The following PRKCA variants were observed in gnomAD, a reference collection of about 807,000 sequenced individuals.
The protein encoded by PRKCA is protein kinase C alpha.
In PRKCA, 27 loss-of-function variants were observed where a neutral mutation model predicts 87.0. The ratio of observed to expected loss-of-function variants is 0.31; its 90% CI spans 0.23 to 0.43. PRKCA has a LOEUF of 0.43. Among genes scored for constraint, PRKCA ranks in the 20% least tolerant of loss-of-function variants. The pLI, the probability that PRKCA is intolerant of heterozygous loss-of-function variation, is 1.00. For synonymous variants in PRKCA, 329 were observed against 311.1 expected, an observed-to-expected ratio of 1.06 and a Z score of -0.61; for missense variants, 518 against 852.3, an observed-to-expected ratio of 0.61 and a Z score of 4.88.
chr17:66,317,562 G>A (rs755719492), intron 2 of PRKCA, among the ~76,000 whole-genome samples: 4 of 152,076 alleles, frequency 2.6e-5, no homozygotes, highest in Non-Finnish European at 5.9e-5. Flanking sequence ...CATTGCAGTC[G>A]TTTTTTTAGT....
rs554195292 is a variant in PRKCA at position 66,804,193 on chromosome 17, G to T, written c.*156G>T. 26 of 984,942 alleles carry T rather than the reference G, an allele frequency of 2.6e-5. No individual in the cohort carries two copies. The highest frequency in any genetic ancestry group is 9.0e-5 in the Admixed American group (3 of 33,248). The allele number at this position is 984,942 out of a possible 1,614,324, so 61.0% of individuals were successfully genotyped here. A position where few individuals can be genotyped will look rare whatever the true frequency, so the allele number is the denominator to read the frequency against. ...GTTATTAGTCCAAATGTGATCAACTGTTCAGGGTCTCTCTCTTACAACCAA... is the reference window on the plus strand; with the variant it reads ...GTTATTAGTCCAAATGTGATCAACTTTTCAGGGTCTCTCTCTTACAACCAA... On this transcript the variant is annotated 3_prime_UTR_variant, in exon 17 of 17. Transcript: ENST00000413366.
chr17:66,809,516 A>C lies in PRKCA; in HGVS notation c.*5479A>C, dbSNP rs1338638122. The C allele has an allele frequency of 6.6e-6, 1 of 152,284 alleles. No individual in the cohort carries two copies. Among genetic ancestry groups the C allele is most frequent in the African/African-American group, 2.4e-5 (1 of 41,464 alleles). The allele number at this position is 152,284 out of a possible 1,614,324, so 9.4% of individuals were successfully genotyped here. On this transcript the variant is annotated 3_prime_UTR_variant, in exon 17 of 17. Coordinates refer to ENST00000413366, the MANE Select transcript of PRKCA (RefSeq NM_002737.3). Reference sequence around the variant, plus strand: ...AATAATTCTTTAAAAATGAGTTTTTAGAACAAAGCAACTGACGATTTCCTA... The same window carrying C: ...AATAATTCTTTAAAAATGAGTTTTTCGAACAAAGCAACTGACGATTTCCTA...
chr17:66,305,059 T>C (rs560866052), intron 1 of PRKCA, among the ~76,000 whole-genome samples: 3 of 152,100 alleles, frequency 2.0e-5, no homozygotes, highest in Non-Finnish European at 4.4e-5. Context: ...ACCACCAGTA[T>C]TGTGAAGTGG....
chr17:66,503,866 T>C (rs975880410), intron 3 of PRKCA, among the ~76,000 whole-genome samples: 1 of 152,236 alleles, frequency 6.6e-6, no homozygotes, highest in Non-Finnish European at 1.5e-5. Context: ...CTTTTAAACA[T>C]TGAATTTAGA....
At chr17:66,686,656 A>G (rs1276425509) in intron 5 of PRKCA, among the ~76,000 whole-genome samples, 1 of 152,114 alleles carries the variant, frequency 6.6e-6, no homozygotes, top group Non-Finnish European at 1.5e-5. Flanking sequence ...ACAAAAAGGG[A>G]TAACACCTTC....
chr17:66,473,636 T>C (rs958522158), intron 2 of PRKCA, among the ~76,000 whole-genome samples: 2 of 152,162 alleles, frequency 1.3e-5, no homozygotes, highest in African/African-American at 2.4e-5. Context: ...GTATAGTGTC[T>C]AGCAGCTAGT....
intron 2 of PRKCA, among the ~76,000 whole-genome samples, chr17:66,493,043 T>G (rs1251217225): frequency 2.0e-5 from 3 of 152,234 alleles, no homozygotes; most frequent in Non-Finnish European, 4.4e-5. Flanking sequence ...TGTGGATGGT[T>G]CCTGTTTGGT....
In PRKCA at chr17:66,804,044, C is replaced by A. The variant is rs767442239; in HGVS notation, c.*7C>A. ...CTTACAGAGTGCAGTATGAAACTCACCAGCGAGAACAAACACCTCCCCAGC... is the reference window on the plus strand; with the variant it reads ...CTTACAGAGTGCAGTATGAAACTCAACAGCGAGAACAAACACCTCCCCAGC... On this transcript the variant is annotated 3_prime_UTR_variant, in exon 17 of 17. Coordinates refer to ENST00000413366, the MANE Select transcript of PRKCA (RefSeq NM_002737.3). 6.3e-7 allele frequency: 1 copy of A among 1,595,454 alleles called. No individual in the cohort carries two copies.
intron 2 of PRKCA, among the ~76,000 whole-genome samples, chr17:66,352,281 C>T (rs1406919768): frequency 1.3e-5 from 2 of 152,082 alleles, no homozygotes; most frequent in Non-Finnish European, 2.9e-5. Flanking sequence ...TTCTGCTCTG[C>T]CTTTTGAGGG....
At chr17:66,424,568 AACACACACACACAC>A (rs141074503) in intron 2 of PRKCA, among the ~76,000 whole-genome samples, 1 of 141,950 alleles carries the variant, frequency 7.0e-6, no homozygotes, top group African/African-American at 2.7e-5. Flanking sequence ...CCCTGTCTCA[AACACACACACACAC>A]ACACACACAC....
In PRKCA at chr17:66,730,401, G is replaced by A. The variant is rs144308643; in HGVS notation, c.919-2287G>A. 4.4e-3 allele frequency among the ~76,000 whole-genome samples: 666 copies of A among 152,334 alleles called. 13 individuals are homozygous for A. Among genetic ancestry groups the A allele is most frequent in the Admixed American group, 0.041 (629 of 15,298 alleles). The stretch of plus-strand genomic sequence containing the variant: ...GGAATAAGAGGGTGGCTACTCCATA[G>A]GCAGAGCAGCCCTGCAGGCTGCTGA... On this transcript the variant is annotated intron_variant, in intron 8 of 16. Coordinates refer to ENST00000413366, the MANE Select transcript of PRKCA (RefSeq NM_002737.3).
intron 3 of PRKCA, among the ~76,000 whole-genome samples, chr17:66,561,260 C>G (rs1968671366): frequency 6.6e-6 from 1 of 152,138 alleles, no homozygotes; most frequent in African/African-American, 2.4e-5. Flanking sequence ...ACGGATGGAA[C>G]TGGAGTTTAA....
chr17:66,766,670 T>C (rs867325606), intron 13 of PRKCA, among the ~76,000 whole-genome samples: 2 of 152,120 alleles, frequency 1.3e-5, no homozygotes, highest in Middle Eastern at 3.4e-3. Flanking sequence ...TAGCTGGGCA[T>C]GGTGGTGGGA....
intron 3 of PRKCA, among the ~76,000 whole-genome samples, chr17:66,573,949 C>T (rs1969152960): frequency 6.6e-6 from 1 of 152,110 alleles, no homozygotes; most frequent in African/African-American, 2.4e-5. Flanking sequence ...TTAACACAGA[C>T]CCCCATCTCT....
At chr17:66,682,668 A>C (rs545667485) in intron 5 of PRKCA, among the ~76,000 whole-genome samples, 24 of 152,224 alleles carry the variant, frequency 1.6e-4, no homozygotes, top group South Asian at 1.5e-3. Flanking sequence ...TTAAAAAAAA[A>C]CTCATTTTCA....
intron 3 of PRKCA, among the ~76,000 whole-genome samples, chr17:66,553,546 A>C (rs1489100510): frequency 6.6e-6 from 1 of 152,216 alleles, no homozygotes; most frequent in Non-Finnish European, 1.5e-5. Flanking sequence ...AATGGATAGA[A>C]TATGGTAGCA....
At chr17:66,769,269 A>T (rs1265612186) in intron 13 of PRKCA, among the ~76,000 whole-genome samples, 1 of 151,458 alleles carries the variant, frequency 6.6e-6, no homozygotes, top group Non-Finnish European at 1.5e-5. Context: ...GGGTGGGAGG[A>T]TTGCTTGAGC....
At chr17:66,431,261 C>T (rs1913085417) in intron 2 of PRKCA, among the ~76,000 whole-genome samples, 1 of 152,120 alleles carries the variant, frequency 6.6e-6, no homozygotes, top group Non-Finnish European at 1.5e-5. Context: ...GGACCTTTTA[C>T]GTGCTTTATG....
At chr17:66,658,690 T>A (rs1971804478) in intron 5 of PRKCA, among the ~76,000 whole-genome samples, 1 of 152,206 alleles carries the variant, frequency 6.6e-6, no homozygotes, top group African/African-American at 2.4e-5. Flanking sequence ...TAATTAATGT[T>A]GAATACGTAT....
Sources: gnomAD v4.1 joint callset for allele counts (sites outside exome capture counted in the v4.1 genomes callset) on GRCh38, gnomAD v4.1.1 for gene constraint, MANE v1.5 for transcripts, NCBI Gene and HGNC (gene_info 2026-07-23, HGNC 2026-07-21) for gene names.